Variants in BCL7C observed in about 807,000 individuals in gnomAD.
BCL7C encodes the protein BAF chromatin remodeling complex subunit BCL7C.
A neutral mutation model predicts 26.2 loss-of-function variants in BCL7C; 8 were observed. The ratio of observed to expected loss-of-function variants is 0.30; its 90% CI spans 0.18 to 0.55. The LOEUF (loss-of-function observed/expected upper bound fraction) is 0.55. Among genes scored for constraint, BCL7C ranks in the 20% least tolerant of loss-of-function variants. The pLI, the probability that BCL7C is intolerant of heterozygous loss-of-function variation, is 0.93. For synonymous variants in BCL7C, 90 were observed against 116.5 expected (o/e 0.77, Z 1.47); for missense variants, 262 against 298.5 (o/e 0.88, Z 0.90).
At chr16:30,837,093 C>T (rs1477270546) in intron 5 of BCL7C, among the ~76,000 whole-genome samples, 4 of 151,698 alleles carry the variant, frequency 2.6e-5, no homozygotes, top group Admixed American at 6.6e-5. Context: ...CGCGCCCGGC[C>T]GACTCCATCT....
intron 5 of BCL7C, among the ~76,000 whole-genome samples, chr16:30,837,900 T>C (rs542928589): frequency 1.3e-5 from 2 of 152,326 alleles, no homozygotes; most frequent in Non-Finnish European, 2.9e-5. Flanking sequence ...TGGTGAACAA[T>C]GCAGGGCCCT....
At position 30,888,917 on chromosome 16, in the gene BCL7C, G is replaced by A. The variant is rs758321179; in HGVS notation, c.471C>T (p.Thr157=). 2.2e-5 allele frequency: 35 copies of A among 1,613,898 alleles called. No homozygotes were observed. The South Asian group carries it at 2.5e-4, about 12-fold the overall frequency. The change falls in exon 5 of 6, where the codon ACC becomes ACT. Residue 157 remains threonine, a synonymous_variant. Coordinates refer to ENST00000215115, the MANE Select transcript of BCL7C (RefSeq NM_004765.4). The part of the protein sequence containing the change: ...RDPGGITAGS[T]DEPPMLTKEE... ...CCTTGGTCAGCATTGGGGGTTCGTC[G>A]GTGCTGCCAGCAGTTATGCCCCCGG...
downstream of BCL7C, among the ~76,000 whole-genome samples, chr16:30,885,486 T>C (rs1178912000): frequency 6.6e-6 from 1 of 151,478 alleles, no homozygotes; most frequent in Non-Finnish European, 1.5e-5. Context: ...CTCGGCTTAC[T>C]GCAACCTCCC....
intron 5 of BCL7C, among the ~76,000 whole-genome samples, chr16:30,868,412 C>T (rs1045734267): frequency 2.7e-5 from 4 of 145,744 alleles, no homozygotes; most frequent in African/African-American, 1.0e-4. Flanking sequence ...GCTGGGATTA[C>T]AGGCGTGAGT....
chr16:30,854,682 CACTCACAG>C (rs2054703834), intron 5 of BCL7C, among the ~76,000 whole-genome samples: 1 of 151,296 alleles, frequency 6.6e-6, no homozygotes, highest in African/African-American at 2.4e-5. Context: ...TTCACATCAG[CACTCACAG>C]ACTCACCACT....
chr16:30,846,344 G>C (rs2054635519), intron 5 of BCL7C, among the ~76,000 whole-genome samples: 1 of 151,098 alleles, frequency 6.6e-6, no homozygotes, highest in Non-Finnish European at 1.5e-5. Context: ...TCCTGCTTCA[G>C]CCTCCCGAGT....
At position 30,893,560 on chromosome 16, in the gene BCL7C, C is replaced by A. The variant is rs1254702001; in HGVS notation, c.93-270G>T. 1.3e-5 allele frequency among the ~76,000 whole-genome samples: 2 copies of A among 151,986 alleles called. No homozygotes were observed. Among genetic ancestry groups the A allele is most frequent in the East Asian group, 3.9e-4 (2 of 5,178 alleles). On this transcript the variant is annotated intron_variant, in intron 1 of 5. Transcript: ENST00000215115. This position sits in a 1 kb window ranked among gnomAD's most constrained non-coding sequence, Gnocchi z 5.2. Reference sequence around the variant, plus strand: ...GGGGGGCGTGGCTATGGGCCTGGCCCGGGATCAGAGCCCTGCAGATCCTGG... The same window carrying A: ...GGGGGGCGTGGCTATGGGCCTGGCCAGGGATCAGAGCCCTGCAGATCCTGG...
intron 5 of BCL7C, among the ~76,000 whole-genome samples, chr16:30,877,999 A>AC (rs1434245601): frequency 6.7e-6 from 1 of 150,136 alleles, no homozygotes. Context: ...ACATGGTGAA[A>AC]CCCCATCTCT....
intron 5 of BCL7C, among the ~76,000 whole-genome samples, chr16:30,879,967 G>A (rs2055017439): frequency 2.7e-5 from 4 of 149,792 alleles, no homozygotes; most frequent in Non-Finnish European, 5.9e-5. Context: ...TCCAGCCTGG[G>A]TGACAGAGCG....
chr16:30,882,243 C>T (rs967403833), intron 5 of BCL7C, among the ~76,000 whole-genome samples: 5 of 152,120 alleles, frequency 3.3e-5, no homozygotes, highest in Admixed American at 6.6e-5. Flanking sequence ...CCACCACGCC[C>T]GGCCATTTAT....
At chr16:30,840,376 C>A (rs949509477) in intron 5 of BCL7C, among the ~76,000 whole-genome samples, 1 of 152,074 alleles carries the variant, frequency 6.6e-6, no homozygotes, top group African/African-American at 2.4e-5. Context: ...TGCCACCATG[C>A]ATGGCTAATT....
intron 5 of BCL7C, among the ~76,000 whole-genome samples, chr16:30,861,180 C>T (rs776928201): frequency 1.6e-4 from 24 of 152,132 alleles, no homozygotes; most frequent in African/African-American, 3.6e-4. Flanking sequence ...GCCCTTTACT[C>T]GACATTAGAA....
chr16:30,839,558 GAAGTTATGAGGGGCATTT>G (rs565646786), intron 5 of BCL7C, among the ~76,000 whole-genome samples: 275 of 152,348 alleles, frequency 1.8e-3, no homozygotes, highest in African/African-American at 6.2e-3. Context: ...AGCAGAACAG[GAAGTTATGAGGGGCATTT>G]AAGCCATTGC....
At chr16:30,889,091 G>GC in intron 4 of BCL7C, 146 bp from the exon 5 acceptor site, 4 of 712,708 alleles carry the variant, frequency 5.6e-6, no homozygotes, top group Non-Finnish European at 4.8e-6. Context: ...ACCTGGCTGT[G>GC]CCCCAGGAAG....
chr16:30,850,188 T>C (rs1331735304), intron 5 of BCL7C, among the ~76,000 whole-genome samples: 3 of 133,088 alleles, frequency 2.3e-5, no homozygotes, highest in Non-Finnish European at 4.6e-5. Flanking sequence ...CCAGCCTGGG[T>C]GACTGAGCGA....
chr16:30,881,833 C>T (rs139453994), intron 5 of BCL7C, among the ~76,000 whole-genome samples: 269 of 152,294 alleles, frequency 1.8e-3, no homozygotes, highest in African/African-American at 5.8e-3. Flanking sequence ...GCCTCGCCCC[C>T]GCTTAAAATC....
intron 5 of BCL7C, among the ~76,000 whole-genome samples, chr16:30,858,270 C>T (rs967239325): frequency 2.0e-5 from 3 of 152,136 alleles, no homozygotes; most frequent in African/African-American, 7.2e-5. Flanking sequence ...AAGTCATTAG[C>T]GGACCCAGAG....
At chr16:30,854,203 T>C (rs2054700043) in intron 5 of BCL7C, among the ~76,000 whole-genome samples, 1 of 152,216 alleles carries the variant, frequency 6.6e-6, no homozygotes, top group Non-Finnish European at 1.5e-5. Context: ...CACTTAGATA[T>C]TGGGATGAAT....
intron 5 of BCL7C, among the ~76,000 whole-genome samples, chr16:30,841,766 T>C (rs988657631): frequency 2.6e-5 from 4 of 151,866 alleles, no homozygotes; most frequent in African/African-American, 7.3e-5. Context: ...CCATCCTGGC[T>C]AACATGGTGA....
Sources: gnomAD v4.1 joint callset for allele counts (sites outside exome capture counted in the v4.1 genomes callset) on GRCh38, gnomAD v4.1.1 for gene constraint, Gnocchi (gnomAD v3.1) non-coding constraint, MANE v1.5 for transcripts, NCBI Gene and HGNC (gene_info 2026-07-23, HGNC 2026-07-21) for gene names.